Variants in N4BP2L2 observed in about 807,000 individuals in gnomAD.
N4BP2L2 encodes NEDD4-binding protein 2-like 2.
A neutral mutation model predicts 56.2 loss-of-function variants in N4BP2L2; 50 were observed. The ratio of observed to expected loss-of-function variants is 0.89; its 90% CI spans 0.71 to 1.13. The LOEUF (loss-of-function observed/expected upper bound fraction) is 1.13. N4BP2L2 is among the 50% of genes most tolerant of loss of function. The pLI is 0.00. For missense variants in N4BP2L2, 689 were observed against 693.8 expected (o/e 0.99, Z 0.08); for synonymous variants, 203 against 223.6 (o/e 0.91, Z 0.82).
At chr13:32,482,030 G>A (rs2139160190) in intron 6 of N4BP2L2, among the ~76,000 whole-genome samples, 1 of 152,226 alleles carries the variant, frequency 6.6e-6, no homozygotes, top group East Asian at 1.9e-4. Context: ...TGGTACATGG[G>A]GGCTTTCAAC....
chr13:32,437,520 G>A (rs1033752656), intron 8 of N4BP2L2, among the ~76,000 whole-genome samples: 4 of 152,148 alleles, frequency 2.6e-5, no homozygotes, highest in Non-Finnish European at 4.4e-5. Context: ...CCCCCACTAG[G>A]TTAGGTGAAG....
chr13:32,517,854 C>A (rs1321413277), exon 6 of N4BP2L2: 1 of 1,613,982 alleles, frequency 6.2e-7, no homozygotes. Context: ...AGAGCCTCCC[C>A]ACCTCTGTCT....
At chr13:32,493,915 C>T (rs908105445) in intron 6 of N4BP2L2, among the ~76,000 whole-genome samples, 1 of 152,216 alleles carries the variant, frequency 6.6e-6, no homozygotes, top group East Asian at 1.9e-4. Context: ...CCTAGTCCTT[C>T]TATTGACTGA....
chr13:32,527,763 G>A (rs1018954455), intron 2 of N4BP2L2, among the ~76,000 whole-genome samples: 1 of 150,544 alleles, frequency 6.6e-6, no homozygotes, highest in Non-Finnish European at 1.5e-5. Flanking sequence ...CACAATTACA[G>A]ATGCTAACAG....
At chr13:32,448,273 C>T (rs2077338526) in intron 6 of N4BP2L2, among the ~76,000 whole-genome samples, 1 of 151,950 alleles carries the variant, frequency 6.6e-6, no homozygotes, top group African/African-American at 2.4e-5. Context: ...TCTTTAGAAA[C>T]ATCTATCTAG....
intron 1 of N4BP2L2, among the ~76,000 whole-genome samples, chr13:32,537,978 GA>G: frequency 6.6e-6 from 1 of 150,898 alleles, no homozygotes; most frequent in African/African-American, 2.4e-5. Context: ...GCTGCGGTGG[GA>G]GGATCGCTTG....
At chr13:32,457,009 C>A (rs1320921356) in intron 6 of N4BP2L2, among the ~76,000 whole-genome samples, 1 of 152,020 alleles carries the variant, frequency 6.6e-6, no homozygotes, top group Non-Finnish European at 1.5e-5. Context: ...CATGGTGGCT[C>A]ATGCCTGTAG....
exon 7 of N4BP2L2, chr13:32,442,921 T>A (rs1296791777): frequency 6.2e-7 from 1 of 1,612,950 alleles, no homozygotes; most frequent in South Asian, 1.1e-5. Flanking sequence ...CTCTTCACTG[T>A]TCCTTTCTGA....
At chr13:32,536,801 G>T (rs147132626) in exon 2 of N4BP2L2, 73 of 1,613,896 alleles carry the variant, frequency 4.5e-5, no homozygotes, top group Non-Finnish European at 2.6e-5. Flanking sequence ...ATGCAAATCT[G>T]TAGTTTTGAT....
intron 6 of N4BP2L2, chr13:32,480,633 C>T (rs1488776169): frequency 7.8e-7 from 1 of 1,287,734 alleles, no homozygotes; most frequent in South Asian, 1.2e-5. Context: ...TTTCTTCAGT[C>T]ACACCTGAAA....
intron 6 of N4BP2L2, among the ~76,000 whole-genome samples, chr13:32,481,114 G>T (rs774956100): frequency 1.9e-5 from 1 of 53,974 alleles, no homozygotes; most frequent in East Asian, 6.3e-4. Context: ...GTGAGACTCT[G>T]TCTCAAAAAA....
chr13:32,450,180 T>A (rs2077692874), intron 6 of N4BP2L2, among the ~76,000 whole-genome samples: 1 of 152,158 alleles, frequency 6.6e-6, no homozygotes. Flanking sequence ...GAATTACTAA[T>A]GTACGGACCA....
At chr13:32,472,564 T>C (rs1459197667) in intron 6 of N4BP2L2, among the ~76,000 whole-genome samples, 1 of 152,204 alleles carries the variant, frequency 6.6e-6, no homozygotes, top group Admixed American at 6.5e-5. Context: ...CCAAAACACC[T>C]GAAAAGCTCC....
At chr13:32,459,355 T>C (rs1397964074) in intron 6 of N4BP2L2, among the ~76,000 whole-genome samples, 1 of 152,046 alleles carries the variant, frequency 6.6e-6, no homozygotes. Flanking sequence ...AAGTGTTTTT[T>C]TTGAGATGAT....
chr13:32,440,189 C>G (rs1487086590), intron 7 of N4BP2L2, among the ~76,000 whole-genome samples: 1 of 152,124 alleles, frequency 6.6e-6, no homozygotes, highest in Non-Finnish European at 1.5e-5. Flanking sequence ...TTGGTCTCAC[C>G]TGTGGGACCA....
chr13:32,502,299 A>G (rs913599089), intron 6 of N4BP2L2, among the ~76,000 whole-genome samples: 2 of 152,002 alleles, frequency 1.3e-5, no homozygotes, highest in Admixed American at 6.6e-5. Context: ...CTGGTCTCGA[A>G]CACCTGGCCT....
chr13:32,455,653 C>T (rs73460533), intron 6 of N4BP2L2, among the ~76,000 whole-genome samples: 119 of 152,320 alleles, frequency 7.8e-4, no homozygotes, highest in African/African-American at 2.7e-3. Flanking sequence ...CCCACTACAG[C>T]TGGTGCCTCA....
chr13:32,442,507 A>G, exon 7 of N4BP2L2: 1 of 1,613,808 alleles, frequency 6.2e-7, no homozygotes, highest in East Asian at 2.2e-5. Flanking sequence ...CTCAGCTGGT[A>G]ATTCCTTAGG....
intron 6 of N4BP2L2, among the ~76,000 whole-genome samples, chr13:32,489,835 T>A (rs1273210071): frequency 6.6e-6 from 1 of 151,820 alleles, no homozygotes; most frequent in African/African-American, 2.4e-5. Flanking sequence ...GCAACATTGC[T>A]TCACAGATAC....
Sources: allele counts gnomAD v4.1 joint callset (sites outside exome capture counted in the v4.1 genomes callset), GRCh38; gene constraint gnomAD v4.1.1; transcripts MANE v1.5; gene names NCBI Gene and HGNC (gene_info 2026-07-23, HGNC 2026-07-21).